The following STRN variants were observed in gnomAD, a reference collection of about 807,000 sequenced individuals.
STRN encodes protein phosphatase 2 regulatory subunit B'''alpha.
STRN carries 53 observed loss-of-function variants against 96.3 expected under a neutral mutation model. The observed-to-expected ratio is 0.55, with a 90% CI of 0.44 to 0.69. The LOEUF is 0.69. Among genes scored for constraint, STRN ranks in the 30% least tolerant of loss-of-function variants. STRN has a pLI of 0.00. For missense variants in STRN, 987 were observed against 963.9 expected (o/e 1.02, Z -0.32); for synonymous variants, 428 against 355.9 (o/e 1.20, Z -2.28).
Position 36,916,117 on chromosome 2 carries a change from A to T in STRN, c.373T>A (p.Leu125Met). 1 of 1,613,718 alleles carries T rather than the reference A, an allele frequency of 6.2e-7. No individual in the cohort carries two copies. Among genetic ancestry groups the T allele is most frequent in the Non-Finnish European group, 8.5e-7 (1 of 1,179,840 alleles). The change falls in exon 3 of 18, where the codon TTG becomes ATG. Residue 125 changes from leucine (L) to methionine (M), a missense_variant. By Grantham distance (15) the Leu-to-Met change is conservative. Coordinates refer to ENST00000263918, the MANE Select transcript of STRN (RefSeq NM_003162.4). The stretch of plus-strand genomic sequence containing the variant: ...GGAGGCTTCATATCTCCCTGATTCA[A>T]TTCTGTCCCGTATTTCAACTTGTGG... ...KYHKLKYGTELNQGDMKPPSY... is the reference protein window; with the variant it reads ...KYHKLKYGTEMNQGDMKPPSY...
intron 6 of STRN, among the ~76,000 whole-genome samples, chr2:36,898,941 G>C (rs1382707310): frequency 3.9e-5 from 6 of 152,146 alleles, no homozygotes; most frequent in African/African-American, 9.7e-5. Context: ...AAGGGGGAAA[G>C]AGGGAAGAAG....
At chr2:36,892,334 G>A (rs888493497) in intron 7 of STRN, among the ~76,000 whole-genome samples, 3 of 152,010 alleles carry the variant, frequency 2.0e-5, no homozygotes, top group Non-Finnish European at 2.9e-5. Context: ...CAGTACATGG[G>A]TGACAGTATC....
At chr2:36,962,943 AAT>A (rs1275527921) in intron 1 of STRN, among the ~76,000 whole-genome samples, 1 of 152,230 alleles carries the variant, frequency 6.6e-6, no homozygotes, top group African/African-American at 2.4e-5. Flanking sequence ...CACATACAGA[AAT>A]TTTTCTCAAA....
intron 12 of STRN, among the ~76,000 whole-genome samples, chr2:36,866,194 C>A (rs1377190231): frequency 6.6e-6 from 1 of 152,028 alleles, no homozygotes; most frequent in Non-Finnish European, 1.5e-5. Context: ...CCCACCTCAG[C>A]CCCCTAAGCA....
intron 2 of STRN, among the ~76,000 whole-genome samples, chr2:36,919,217 A>T (rs1234538991): frequency 5.9e-5 from 9 of 152,142 alleles, no homozygotes. Flanking sequence ...GTAAGGGTGG[A>T]AGGTGAGGGT....
In STRN at chr2:36,839,116, G is replaced by A. The variant is rs1454951126; in HGVS notation, c.*10340C>T. On this transcript the variant is annotated 3_prime_UTR_variant, in exon 18 of 18. Coordinates refer to ENST00000263918, the MANE Select transcript of STRN (RefSeq NM_003162.4). ...CATATCAGGGAGGTAGGAATGAAGGGGTATGATGGGACATGCTTCGTTTTG... is the reference window on the plus strand; with the variant it reads ...CATATCAGGGAGGTAGGAATGAAGGAGTATGATGGGACATGCTTCGTTTTG... Among the ~76,000 whole-genome samples, 1 of 152,036 alleles carries A rather than the reference G, an allele frequency of 6.6e-6. No individual in the cohort carries two copies. The highest frequency in any genetic ancestry group is 6.6e-5 in the Admixed American group (1 of 15,264).
chr2:36,963,462 GAAAAAT>G (rs1271518721), intron 1 of STRN, among the ~76,000 whole-genome samples: 1 of 152,066 alleles, frequency 6.6e-6, no homozygotes, highest in Non-Finnish European at 1.5e-5. Flanking sequence ...AGTAGCAAAA[GAAAAAT>G]AAAGAAGATT....
intron 5 of STRN, 125 bp from the exon 6 acceptor site, chr2:36,899,783 C>T: frequency 1.1e-6 from 1 of 878,326 alleles, no homozygotes; most frequent in South Asian, 2.2e-5. Flanking sequence ...ACATTATCTA[C>T]ATTGATTCTT....
intron 1 of STRN, among the ~76,000 whole-genome samples, chr2:36,965,420 A>T (rs1398975811): frequency 2.6e-5 from 4 of 152,234 alleles, no homozygotes; most frequent in Non-Finnish European, 5.9e-5. Context: ...GATATACTTT[A>T]TCTTGCAGAT....
At chr2:36,953,773 A>G (rs564920723) in intron 1 of STRN, among the ~76,000 whole-genome samples, 1 of 152,364 alleles carries the variant, frequency 6.6e-6, no homozygotes, top group South Asian at 2.1e-4. Flanking sequence ...AACTTTCTGC[A>G]TAAGAGCAAA....
At position 36,848,810 on chromosome 2, in the gene STRN, T is replaced by C. The variant is rs918942833; in HGVS notation, c.*646A>G. On this transcript the variant is annotated 3_prime_UTR_variant, in exon 18 of 18. Transcript: ENST00000263918. ...ACTGTAATACAATATAGAAATCTGC[T>C]TGCAAACTATTTGTCTAGCATTTCT... 1 of 152,636 alleles carries C rather than the reference T, an allele frequency of 6.6e-6. No individual in the cohort carries two copies. The highest frequency in any genetic ancestry group is 1.5e-5 in the Non-Finnish European group (1 of 68,052). The allele number at this position is 152,636 out of a possible 1,614,324, so 9.5% of individuals were successfully genotyped here.
chr2:36,894,796 G>A (rs1669495669), intron 6 of STRN, among the ~76,000 whole-genome samples: 1 of 152,188 alleles, frequency 6.6e-6, no homozygotes, highest in Non-Finnish European at 1.5e-5. Context: ...CAGACCAATA[G>A]GATAGACTAG....
intron 7 of STRN, among the ~76,000 whole-genome samples, chr2:36,893,303 C>A (rs2691119): frequency 0.95 from 144,492 of 151,646 alleles, 69,217 homozygotes; most frequent in East Asian, 1. Context: ...GCAAAAAAAA[C>A]CCCTAAGCGT....
Position 36,841,194 on chromosome 2 carries a change from T to G in STRN, c.*8262A>C, listed in dbSNP as rs1317783696. The G allele has an allele frequency of 1.3e-5, 2 of 151,824 alleles. No individual in the cohort carries two copies. Among genetic ancestry groups the G allele is most frequent in the South Asian group, 4.2e-4 (2 of 4,808 alleles). The allele number at this position is 151,824 out of a possible 1,614,324, so 9.4% of individuals were successfully genotyped here. ...TTTTTTTTTTTAATCAAATCGATTCTGACAAAAGGAGTTTATTGTCTTGCT... is the reference window on the plus strand; with the variant it reads ...TTTTTTTTTTTAATCAAATCGATTCGGACAAAAGGAGTTTATTGTCTTGCT... On this transcript the variant is annotated 3_prime_UTR_variant, in exon 18 of 18. Coordinates refer to ENST00000263918, the MANE Select transcript of STRN (RefSeq NM_003162.4).
chr2:36,934,004 C>T lies in STRN; in HGVS notation c.235-8796G>A, dbSNP rs530291489. Among the ~76,000 whole-genome samples the T allele has an allele frequency of 1.2e-4, 18 of 152,150 alleles. No individual in the cohort carries two copies. In the East Asian group the frequency reaches 3.1e-3, roughly 26 times the overall value. On this transcript the variant is annotated intron_variant, in intron 1 of 17. Coordinates refer to ENST00000263918, the MANE Select transcript of STRN (RefSeq NM_003162.4). ...GCGGGCGCCTGTAGTCCCAGCTACT[C>T]TGGAGGCTGAGGAAGAATGGCGTGA...
chr2:36,867,980 C>A, intron 11 of STRN, 119 bp from the exon 12 acceptor site: 1 of 627,830 alleles, frequency 1.6e-6, no homozygotes, highest in South Asian at 3.5e-5. Context: ...TTCTCAACTA[C>A]ACGATACGTA....
At chr2:36,920,722 T>C (rs974454655) in intron 2 of STRN, among the ~76,000 whole-genome samples, 1 of 151,592 alleles carries the variant, frequency 6.6e-6, no homozygotes, top group African/African-American at 2.4e-5. Flanking sequence ...GAAAAAAATC[T>C]TCCCTAGATT....
chr2:36,966,261 GCT>G lies in STRN; in HGVS notation c.201_202del (p.Arg67SerfsTer43). ...CTCCGCCCGCTCCACCTCCCACTGG[GCT>G]CTCTCCACCTCGAAGCGGGCCCACT... is the stretch of plus-strand genomic sequence containing the variant. On this transcript the variant is annotated frameshift_variant, in exon 1 of 18. Coordinates refer to ENST00000263918, the MANE Select transcript of STRN (RefSeq NM_003162.4). LOFTEE classifies it high-confidence loss of function. The G allele has an allele frequency of 6.3e-7, 1 of 1,587,200 alleles. No individual in the cohort carries two copies. Among genetic ancestry groups the G allele is most frequent in the Non-Finnish European group, 8.6e-7 (1 of 1,168,860 alleles).
At chr2:36,902,520 TA>T (rs763602656) in intron 5 of STRN, 63 bp downstream of exon 5, 241 of 1,420,030 alleles carry the variant, frequency 1.7e-4, no homozygotes, top group Non-Finnish European at 2.1e-4. Flanking sequence ...GTAATGTCCA[TA>T]AAACCAAAAA....
Sources: gnomAD v4.1 joint callset for allele counts (sites outside exome capture counted in the v4.1 genomes callset) on GRCh38, gnomAD v4.1.1 for gene constraint, MANE v1.5 for transcripts, NCBI Gene and HGNC (gene_info 2026-07-23, HGNC 2026-07-21) for gene names.